MICOS10: variants seen among roughly 807,000 people sequenced by gnomAD.
The protein encoded by MICOS10 is MICOS complex subunit MIC10.
MICOS10 carries 5 observed loss-of-function variants against 13.4 expected under a neutral mutation model. The observed-to-expected ratio is 0.37, with a 90% CI of 0.20 to 0.78. The LOEUF (loss-of-function observed/expected upper bound fraction) is 0.78, where lower values mean the gene tolerates loss of function less well. Ranked by LOEUF, MICOS10 falls within the 30% of genes least tolerant of loss-of-function variation. The probability of loss-of-function intolerance (pLI) is 0.47; values close to 1 mark genes in which losing one functional copy is unlikely to be tolerated. For synonymous variants in MICOS10, 35 were observed against 33.6 expected (o/e 1.04, Z -0.15); for missense variants, 101 against 94.6 (o/e 1.07, Z -0.28).
At chr1:19,619,394 A>T (rs1770491) in intron 1 of MICOS10, among the ~76,000 whole-genome samples, 50,572 of 151,954 alleles carry the variant, frequency 0.33, 11,367 homozygotes, top group African/African-American at 0.65. Flanking sequence ...TTTTTTTAAA[A>T]GTAAAATACA....
intron 3 of MICOS10, among the ~76,000 whole-genome samples, chr1:19,624,299 T>C (rs761470391): frequency 1.2e-4 from 18 of 152,096 alleles, no homozygotes; most frequent in Non-Finnish European, 2.4e-4. Flanking sequence ...TTTTATTTAT[T>C]TTGTGGGGAT....
At chr1:19,612,149 T>C (rs2094865437) in intron 1 of MICOS10, among the ~76,000 whole-genome samples, 1 of 150,210 alleles carries the variant, frequency 6.7e-6, no homozygotes, top group African/African-American at 2.4e-5. Context: ...TTCACGCCAT[T>C]CTCCTGCCTC....
At position 19,626,385 on chromosome 1, in the gene MICOS10, A is replaced by G; in HGVS notation, c.223-2A>G. ...TTTAAGCTGAATGTCCTTGCTTTAC[A>G]GGAGCAGGAGCAGTGACTTCACCTG... On this transcript the variant is annotated splice_acceptor_variant, in intron 3 of 3. Transcript: ENST00000322753. LOFTEE classifies it high-confidence loss of function. The G allele has an allele frequency of 1.2e-6, 2 of 1,613,972 alleles. No homozygotes were observed. The highest frequency in any genetic ancestry group is 2.2e-5 in the South Asian group (2 of 91,074).
At chr1:19,600,956 A>G (rs2094811834) in intron 1 of MICOS10, 2 of 1,289,362 alleles carry the variant, frequency 1.6e-6, no homozygotes, top group Non-Finnish European at 2.0e-6. Context: ...GCCATGGTGA[A>G]TGCACAGCAA....
intron 1 of MICOS10, 98 bp downstream of exon 1, chr1:19,597,207 C>T: frequency 7.5e-7 from 1 of 1,328,540 alleles, no homozygotes; most frequent in Non-Finnish European, 1.0e-6. Flanking sequence ...CACGGGAGGT[C>T]AGGCCTCTCG....
intron 1 of MICOS10, among the ~76,000 whole-genome samples, chr1:19,603,245 G>C (rs893136309): frequency 6.6e-6 from 1 of 152,172 alleles, no homozygotes; most frequent in Admixed American, 6.5e-5. Context: ...CAGGAGAATA[G>C]CTTGAACCCG....
intron 1 of MICOS10, among the ~76,000 whole-genome samples, chr1:19,610,097 G>A (rs762124067): frequency 3.3e-5 from 5 of 152,016 alleles, no homozygotes; most frequent in African/African-American, 4.8e-5. Context: ...AGCTGAGATC[G>A]CTCCACTGCA....
chr1:19,604,436 G>C (rs1048280574), intron 1 of MICOS10, among the ~76,000 whole-genome samples: 1 of 152,132 alleles, frequency 6.6e-6, no homozygotes, highest in African/African-American at 2.4e-5. Flanking sequence ...TGGAACCCGG[G>C]AGTAGCAAGT....
intron 1 of MICOS10, among the ~76,000 whole-genome samples, chr1:19,602,638 A>T (rs1473361189): frequency 3.3e-5 from 5 of 152,210 alleles, no homozygotes; most frequent in Non-Finnish European, 7.3e-5. Flanking sequence ...TGCGTCATTA[A>T]TGGGTTTTGC....
chr1:19,620,531 A>C (rs2094899341), intron 1 of MICOS10, among the ~76,000 whole-genome samples: 1 of 152,216 alleles, frequency 6.6e-6, no homozygotes, highest in African/African-American at 2.4e-5. Context: ...GGGAAAAATC[A>C]CCTTTAAGAA....
At chr1:19,619,862 A>G (rs1236498055) in intron 1 of MICOS10, among the ~76,000 whole-genome samples, 1 of 152,222 alleles carries the variant, frequency 6.6e-6, no homozygotes, top group Non-Finnish European at 1.5e-5. Flanking sequence ...TGTTAATTCC[A>G]TAAGGCTCCT....
chr1:19,599,365 T>A (rs2094805213), intron 1 of MICOS10, among the ~76,000 whole-genome samples: 1 of 152,150 alleles, frequency 6.6e-6, no homozygotes, highest in African/African-American at 2.4e-5. Context: ...CCAATAGTTG[T>A]TGATATTAAT....
intron 2 of MICOS10, 103 bp from the exon 3 acceptor site, chr1:19,623,371 G>T (rs2094911113): frequency 3.2e-5 from 23 of 711,168 alleles, no homozygotes; most frequent in Middle Eastern, 4.0e-4. Context: ...TATGATGCAC[G>T]TTGAATATTT....
At position 19,626,495 on chromosome 1, in the gene MICOS10, G is replaced by GA. The variant is rs2094922528; in HGVS notation, c.*94_*95insA. The GA allele has an allele frequency of 7.3e-7, 1 of 1,367,254 alleles. No individual in the cohort carries two copies. The highest frequency in any genetic ancestry group is 1.8e-5 in the Admixed American group (1 of 56,040). The allele number at this position is 1,367,254 out of a possible 1,614,324, so 84.7% of individuals were successfully genotyped here. A position where few individuals can be genotyped will look rare whatever the true frequency, so the allele number is the denominator to read the frequency against. The stretch of plus-strand genomic sequence containing the variant: ...CCCTGGAGTAAGCTGCCATTCTTCT[G>GA]TAACAATGTTATCAGTAATGCTTTA... On this transcript the variant is annotated 3_prime_UTR_variant, in exon 4 of 4. Transcript: ENST00000322753.
At chr1:19,606,072 C>A (rs72656060) in intron 1 of MICOS10, among the ~76,000 whole-genome samples, 215 of 152,150 alleles carry the variant, frequency 1.4e-3, no homozygotes, top group Non-Finnish European at 2.7e-3. Flanking sequence ...AGGGAGCTAG[C>A]TTAGTATATT....
intron 1 of MICOS10, among the ~76,000 whole-genome samples, chr1:19,605,148 G>A (rs1042082710): frequency 6.6e-6 from 1 of 152,138 alleles, no homozygotes; most frequent in Non-Finnish European, 1.5e-5. Flanking sequence ...GCTATCACAT[G>A]TTAATGCAGG....
intron 1 of MICOS10, 57 bp from the exon 2 acceptor site, chr1:19,622,042 GT>G: frequency 7.8e-7 from 1 of 1,285,436 alleles, no homozygotes; most frequent in South Asian, 1.3e-5. Context: ...AAATGTTAAT[GT>G]TATCTTTGTG....
chr1:19,613,702 C>G (rs1436573544), intron 1 of MICOS10, among the ~76,000 whole-genome samples: 1 of 152,158 alleles, frequency 6.6e-6, no homozygotes, highest in African/African-American at 2.4e-5. Context: ...AAGGAAATGC[C>G]CACACATAAT....
rs1438931567 is a variant in MICOS10 at position 19,627,931 on chromosome 1, C to T, written c.*1530C>T. 6.6e-6 allele frequency: 1 copy of T among 152,352 alleles called. No homozygotes were observed. The allele number at this position is 152,352 out of a possible 1,614,324, so 9.4% of individuals were successfully genotyped here. A position where few individuals can be genotyped will look rare whatever the true frequency, so the allele number is the denominator to read the frequency against. ...CTCTGCCCTGCAAACTGTCCAGGCT[C>T]CTCTGCCCTCTGGGCTTGTTTTCCT... On this transcript the variant is annotated 3_prime_UTR_variant, in exon 4 of 4. Transcript: ENST00000322753.
Sources: gnomAD v4.1 joint callset for allele counts (sites outside exome capture counted in the v4.1 genomes callset) on GRCh38, gnomAD v4.1.1 for gene constraint, MANE v1.5 for transcripts, NCBI Gene and HGNC (gene_info 2026-07-23, HGNC 2026-07-21) for gene names.